Variants in NHSL2 observed in about 807,000 individuals in gnomAD.
NHSL2 encodes the protein NHS-like protein 2.
A neutral mutation model predicts 53.4 loss-of-function variants in NHSL2; 27 were observed. The observed-to-expected ratio is 0.51, with a 90% CI of 0.37 to 0.70. The LOEUF is 0.70. NHSL2 is among the 30% of genes least tolerant of loss of function. The pLI is 0.00. For missense variants in NHSL2, 892 were observed against 980.1 expected (o/e 0.91, Z 1.20); for synonymous variants, 408 against 404.1 (o/e 1.01, Z -0.12).
At chrX:71,930,779 T>C (rs1477472777) in intron 1 of NHSL2, among the ~76,000 whole-genome samples, 2 of 112,815 alleles carry the variant, frequency 1.8e-5, no homozygotes, top group Non-Finnish European at 3.7e-5. Flanking sequence ...ATAGTTTGTT[T>C]ATCCACTCAC....
intron 1 of NHSL2, among the ~76,000 whole-genome samples, chrX:72,093,862 G>A (rs2041922866): frequency 9.2e-6 from 1 of 109,010 alleles, no homozygotes. Context: ...GCTCGCTGCA[G>A]CCTCTACCTC....
chrX:71,933,410 G>A (rs2041723247), intron 1 of NHSL2, among the ~76,000 whole-genome samples: 1 of 109,206 alleles, frequency 9.2e-6, no homozygotes, highest in Admixed American at 9.8e-5. Flanking sequence ...TGTTCAAGTA[G>A]AGGACTGTGA....
chrX:71,949,054 G>A (rs886558462), intron 1 of NHSL2, among the ~76,000 whole-genome samples: 8 of 109,392 alleles, frequency 7.3e-5, no homozygotes, highest in Non-Finnish European at 1.1e-4. Context: ...CACCGTGCCC[G>A]GCCGATGTAG....
chrX:72,115,215 G>A (rs1047115883), intron 1 of NHSL2, among the ~76,000 whole-genome samples: 2 of 110,567 alleles, frequency 1.8e-5, no homozygotes, highest in Admixed American at 9.6e-5. Flanking sequence ...GGACAAATCC[G>A]TTCCTCCTCG....
intron 1 of NHSL2, among the ~76,000 whole-genome samples, chrX:72,012,143 GT>G (rs1321418319): frequency 1.8e-5 from 2 of 111,512 alleles, no homozygotes; most frequent in Non-Finnish European, 3.8e-5. Flanking sequence ...TATCAATTTT[GT>G]TTTTTTGGAT....
intron 1 of NHSL2, among the ~76,000 whole-genome samples, chrX:72,033,300 C>G (rs1473386862): frequency 9.2e-6 from 1 of 109,134 alleles, no homozygotes; most frequent in Non-Finnish European, 1.9e-5. Context: ...GATTCTCCTC[C>G]GTCAGCCTTC....
At chrX:72,067,005 T>A (rs1339700856) in intron 1 of NHSL2, among the ~76,000 whole-genome samples, 1 of 110,055 alleles carries the variant, frequency 9.1e-6, no homozygotes, top group African/African-American at 3.3e-5. Context: ...TAGCTGGGAG[T>A]GCTGGGGTGC....
intron 1 of NHSL2, among the ~76,000 whole-genome samples, chrX:72,087,733 G>A (rs750217520): frequency 1.2e-4 from 13 of 111,230 alleles, no homozygotes; most frequent in African/African-American, 1.6e-4. Flanking sequence ...TTAGCCAGGC[G>A]TGGTGGCACG....
chrX:72,041,025 C>T (rs2042271471), intron 1 of NHSL2, among the ~76,000 whole-genome samples: 1 of 112,151 alleles, frequency 8.9e-6, no homozygotes, highest in Non-Finnish European at 1.9e-5. Flanking sequence ...AGTGAGAATT[C>T]AGAGGAGGAA....
intron 1 of NHSL2, among the ~76,000 whole-genome samples, chrX:71,924,996 A>C (rs1466037824): frequency 8.9e-6 from 1 of 112,397 alleles, no homozygotes; most frequent in Non-Finnish European, 1.9e-5. Flanking sequence ...CTTTTTCTTC[A>C]AAATCTAGTT....
Position 71,941,948 on chromosome X carries a change from G to C in NHSL2, c.280+30581G>C, listed in dbSNP as rs370092557. Among the ~76,000 whole-genome samples the C allele has an allele frequency of 1.5e-4, 17 of 111,372 alleles. No individual in the cohort carries two copies. The East Asian group carries it at 2.0e-3, about 13-fold the overall frequency. On this transcript the variant is annotated intron_variant, in intron 1 of 7. Transcript: ENST00000633930. ...GAGCTGCTGGGTCTGCTCATTGTCA[G>C]CTTGGGAGGAATCCTGGCAGCGAGG...
At chrX:71,926,836 C>T (rs2041687876) in intron 1 of NHSL2, among the ~76,000 whole-genome samples, 1 of 111,473 alleles carries the variant, frequency 9.0e-6, no homozygotes, top group Non-Finnish European at 1.9e-5. Context: ...ACCTCTTGAG[C>T]ATATGAATCA....
intron 1 of NHSL2, among the ~76,000 whole-genome samples, chrX:72,126,932 T>C (rs955402119): frequency 3.6e-5 from 4 of 111,867 alleles, no homozygotes; most frequent in Admixed American, 9.5e-5. Flanking sequence ...CAACAATTTC[T>C]TCCATCCACA....
intron 1 of NHSL2, among the ~76,000 whole-genome samples, chrX:72,065,972 G>A (rs988704921): frequency 6.2e-5 from 7 of 112,282 alleles, no homozygotes; most frequent in Non-Finnish European, 1.1e-4. Context: ...GCTGGAGAGT[G>A]TGGACTTGAC....
chrX:71,933,354 A>G (rs1193394982), intron 1 of NHSL2, among the ~76,000 whole-genome samples: 5 of 110,210 alleles, frequency 4.5e-5, no homozygotes, highest in Non-Finnish European at 9.4e-5. Flanking sequence ...AGAAAGACTA[A>G]TAATAGATGA....
chrX:72,058,439 G>A (rs1029361982), intron 1 of NHSL2, among the ~76,000 whole-genome samples: 4 of 111,392 alleles, frequency 3.6e-5, no homozygotes, highest in Non-Finnish European at 5.7e-5. Context: ...CCGCCTTCCC[G>A]ATTCAAGCGA....
intron 1 of NHSL2, among the ~76,000 whole-genome samples, chrX:72,102,980 A>G (rs758339279): frequency 5.3e-5 from 6 of 112,377 alleles, no homozygotes; most frequent in Non-Finnish European, 9.4e-5. Context: ...AGATGGGAGT[A>G]CCCACTCCCT....
intron 1 of NHSL2, among the ~76,000 whole-genome samples, chrX:72,093,480 T>C (rs2041913791): frequency 8.9e-6 from 1 of 112,478 alleles, no homozygotes; most frequent in Non-Finnish European, 1.9e-5. Context: ...GGCCTTGTGC[T>C]GTGAGCAACA....
chrX:72,008,022 T>C (rs2042101449), intron 1 of NHSL2, among the ~76,000 whole-genome samples: 1 of 112,976 alleles, frequency 8.9e-6, no homozygotes, highest in African/African-American at 3.2e-5. Flanking sequence ...GAATCAACAC[T>C]GTGCACCAAA....
Sources: allele counts gnomAD v4.1 joint callset (sites outside exome capture counted in the v4.1 genomes callset), GRCh38; gene constraint gnomAD v4.1.1; transcripts MANE v1.5; gene names NCBI Gene and HGNC (gene_info 2026-07-23, HGNC 2026-07-21).